The following NTN1 variants were observed in gnomAD, a reference collection of about 807,000 sequenced individuals.
NTN1 encodes netrin 1, also known as netrin-1.
Under a neutral mutation model 54.2 loss-of-function variants are expected in NTN1, and 11 were observed. The observed-to-expected ratio is 0.20, with a 90% CI of 0.13 to 0.34. The LOEUF (loss-of-function observed/expected upper bound fraction) is 0.34. Among genes scored for constraint, NTN1 ranks in the 10% least tolerant of loss-of-function variants. NTN1 has a pLI of 1.00. For synonymous variants in NTN1, 371 were observed against 382.0 expected, an observed-to-expected ratio of 0.97 and a Z score of 0.33; for missense variants, 740 against 893.1, an observed-to-expected ratio of 0.83 and a Z score of 2.18.
In NTN1 at chr17:9,182,981, C is replaced by T; in HGVS notation, c.1411+12C>T. 1.9e-6 allele frequency: 3 copies of T among 1,613,754 alleles called. No individual in the cohort carries two copies. Among genetic ancestry groups the T allele is most frequent in the Admixed American group, 1.7e-5 (1 of 59,966 alleles). ...GGAGGAGCCTGAAGGTAAACGGCCC[C>T]CTTCGCTTCTCATTTCCCGCTTTTG... is the stretch of plus-strand genomic sequence containing the variant. On this transcript the variant is annotated intron_variant, in intron 5 of 6. Transcript: ENST00000173229.
At chr17:9,029,423 G>T (rs985067335) in intron 2 of NTN1, among the ~76,000 whole-genome samples, 3 of 152,180 alleles carry the variant, frequency 2.0e-5, no homozygotes, top group African/African-American at 7.2e-5. Flanking sequence ...GAGAGAGCAG[G>T]GGGTATCAGG....
At chr17:9,190,053 T>C (rs1904410449) in intron 5 of NTN1, among the ~76,000 whole-genome samples, 1 of 152,214 alleles carries the variant, frequency 6.6e-6, no homozygotes, top group Admixed American at 6.5e-5. Context: ...GAGAATTCTA[T>C]AAGGAGCCGT....
chr17:9,111,252 C>A (rs1050157605), intron 2 of NTN1, among the ~76,000 whole-genome samples: 1 of 152,120 alleles, frequency 6.6e-6, no homozygotes, highest in South Asian at 2.1e-4. Flanking sequence ...GATCTTTTAT[C>A]AAGATCCTTG....
chr17:9,156,195 A>T (rs1267308254), intron 2 of NTN1, among the ~76,000 whole-genome samples: 2 of 151,356 alleles, frequency 1.3e-5, no homozygotes, highest in African/African-American at 4.9e-5. Context: ...GCAGGCAGCC[A>T]ATGGCTGGGG....
rs193115275 is a variant in NTN1 at position 9,220,007 on chromosome 17, G to T, written c.1412-1161G>T. Among the ~76,000 whole-genome samples the T allele has an allele frequency of 1.7e-3, 258 of 152,352 alleles. 2 individuals are homozygous for T. The highest frequency in any genetic ancestry group is 5.7e-3 in the African/African-American group (236 of 41,584). On this transcript the variant is annotated intron_variant, in intron 5 of 6. Transcript: ENST00000173229. Reference sequence around the variant, plus strand: ...GCTCCCCGCTCCTCCCCGCTGGCCAGCCTGGCTGGTCTTCCCCCAGGCAGT... The same window carrying T: ...GCTCCCCGCTCCTCCCCGCTGGCCATCCTGGCTGGTCTTCCCCCAGGCAGT...
At chr17:9,071,536 G>A (rs2092031994) in intron 2 of NTN1, among the ~76,000 whole-genome samples, 1 of 152,026 alleles carries the variant, frequency 6.6e-6, no homozygotes, top group Non-Finnish European at 1.5e-5. Flanking sequence ...GTACTAAAAT[G>A]AATTATAGTT....
At chr17:9,103,855 G>T (rs1567711222) in intron 2 of NTN1, among the ~76,000 whole-genome samples, 1 of 152,056 alleles carries the variant, frequency 6.6e-6, no homozygotes, top group Admixed American at 6.6e-5. Flanking sequence ...GGAGGTCGAG[G>T]TGGGTGGATC....
chr17:9,225,246 C>G (rs1905495001), intron 6 of NTN1, among the ~76,000 whole-genome samples: 1 of 149,004 alleles, frequency 6.7e-6, no homozygotes. Flanking sequence ...CAGAGTGAGA[C>G]TCTGTCTCAA....
In NTN1 at chr17:9,121,114, C is replaced by T. The variant is rs574813936; in HGVS notation, c.1019-41699C>T. Among the ~76,000 whole-genome samples, 29 of 152,154 alleles carry T rather than the reference C, an allele frequency of 1.9e-4. No individual in the cohort carries two copies. The East Asian group carries it at 5.6e-3, about 29-fold the overall frequency. ...GAGGAAAAAGAAGGAAGCGGATGGC[C>T]CTGTCGGGGGGAGAGCTGGATGTCA... On this transcript the variant is annotated intron_variant, in intron 2 of 6. Transcript: ENST00000173229.
In NTN1 at chr17:9,242,987, T is replaced by G. The variant is rs960308282; in HGVS notation, c.*3019T>G. ...AACCAGAATTGTGCTATGTAGGTGTTTGTTTGAAGAAAAACATACCAGATT... is the reference window on the plus strand; with the variant it reads ...AACCAGAATTGTGCTATGTAGGTGTGTGTTTGAAGAAAAACATACCAGATT... On this transcript the variant is annotated 3_prime_UTR_variant, in exon 7 of 7. Transcript: ENST00000173229. 3.9e-5 allele frequency: 6 copies of G among 152,194 alleles called. No homozygotes were observed. The highest frequency in any genetic ancestry group is 9.6e-5 in the African/African-American group (4 of 41,452). The allele number at this position is 152,194 out of a possible 1,614,324, so 9.4% of individuals were successfully genotyped here.
At chr17:9,041,987 C>T (rs148766551) in intron 2 of NTN1, among the ~76,000 whole-genome samples, 21 of 148,484 alleles carry the variant, frequency 1.4e-4, no homozygotes, top group Middle Eastern at 3.5e-3. Context: ...CCAGCCTGGG[C>T]GACAGAGTGG....
Position 9,022,655 on chromosome 17 carries a change from C to A in NTN1, c.282C>A (p.Cys94Ter), listed in dbSNP as rs1417105052. 1.3e-6 allele frequency: 2 copies of A among 1,566,318 alleles called. No individual in the cohort carries two copies. Among genetic ancestry groups the A allele is most frequent in the East Asian group, 2.4e-5 (1 of 41,420 alleles). ...GEERLRSCHL[C>*]NASDPKKAHP... Reference sequence around the variant, plus strand: ...AGCGGCTGCGCTCGTGCCACCTCTGCAACGCGTCCGACCCCAAGAAGGCGC... The same window carrying A: ...AGCGGCTGCGCTCGTGCCACCTCTGAAACGCGTCCGACCCCAAGAAGGCGC... Residue 94 changes from cysteine (C) to a stop codon, truncating the protein, a stop_gained, in exon 2 of 7, where the codon TGC (cysteine) becomes TGA (stop). Coordinates refer to ENST00000173229, the MANE Select transcript of NTN1 (RefSeq NM_004822.3). LOFTEE classifies it high-confidence loss of function.
intron 2 of NTN1, among the ~76,000 whole-genome samples, chr17:9,040,978 T>C (rs2091919468): frequency 6.6e-6 from 1 of 152,082 alleles, no homozygotes; most frequent in Admixed American, 6.6e-5. Context: ...CCAGCTAATT[T>C]TTTAAAGAAA....
chr17:9,226,168 G>GGT (rs1343611233), intron 6 of NTN1, among the ~76,000 whole-genome samples: 1 of 143,972 alleles, frequency 6.9e-6, no homozygotes, highest in Non-Finnish European at 1.5e-5. Flanking sequence ...GGGTCGGGGG[G>GGT]GGGCCTCAGT....
rs1338401167 is a variant in NTN1, at chr17:9,023,222, C to G, written c.849C>G (p.Gly283=). 2 of 1,562,100 alleles carry G rather than the reference C, an allele frequency of 1.3e-6. No individual in the cohort carries two copies. ...CGGTGTCCGACCTGCAGGTGGGCGG[C>G]CGGTGCAAGTGCAACGGCCACGCGG... is the stretch of plus-strand genomic sequence containing the variant. ...FYAVSDLQVG[G]RCKCNGHAAR... The change falls in exon 2 of 7, where the codon GGC becomes GGG. Residue 283 remains glycine (G), a synonymous_variant. Transcript: ENST00000173229.
intron 2 of NTN1, among the ~76,000 whole-genome samples, chr17:9,123,813 T>TGGACTGTAAGTGGCTGTATCATGAGACGA (rs2092237997): frequency 6.6e-6 from 1 of 152,238 alleles, no homozygotes; most frequent in South Asian, 2.1e-4. Flanking sequence ...GTTCTGATTC[T>TGGACTGTAAGTGGCTGTATCATGAGACGA]TGTAGTCTCA....
chr17:9,100,267 T>A (rs904190814), intron 2 of NTN1, among the ~76,000 whole-genome samples: 1 of 152,182 alleles, frequency 6.6e-6, no homozygotes, highest in Admixed American at 6.5e-5. Flanking sequence ...GTAACCTGCT[T>A]TTTCTGCTCA....
chr17:9,166,196 CACCACCACCA>C lies in NTN1; in HGVS notation c.1207+3196_1207+3205del, dbSNP rs1254949126. ...CCACCACCACCACCACCACCACCAC[CACCACCACCA>C]CCAGCACCTCCTGCCTTGTATTCCC... On this transcript the variant is annotated intron_variant, in intron 3 of 6. Coordinates refer to ENST00000173229, the MANE Select transcript of NTN1 (RefSeq NM_004822.3). Among the ~76,000 whole-genome samples the C allele has an allele frequency of 2.6e-3, 333 of 126,676 alleles. 1 individual carries two copies. The highest frequency in any genetic ancestry group is 7.5e-3 in the African/African-American group (275 of 36,790). 83.1% of individuals were successfully genotyped at this position (126,676 alleles called of 152,430 possible). A position where few individuals can be genotyped will look rare whatever the true frequency, so the allele number is the denominator to read the frequency against.
At chr17:9,051,633 G>T (rs1377542022) in intron 2 of NTN1, among the ~76,000 whole-genome samples, 1 of 152,164 alleles carries the variant, frequency 6.6e-6, no homozygotes, top group African/African-American at 2.4e-5. Context: ...GTGAAATCAT[G>T]ACCACAATCA....
Sources: gnomAD v4.1 joint callset for allele counts (sites outside exome capture counted in the v4.1 genomes callset) on GRCh38, gnomAD v4.1.1 for gene constraint, MANE v1.5 for transcripts, NCBI Gene and HGNC (gene_info 2026-07-23, HGNC 2026-07-21) for gene names.